Variants in HMCN1 observed in about 807,000 individuals in gnomAD.
HMCN1 encodes the protein hemicentin 1, also known as hemicentin-1.
In HMCN1, 321 loss-of-function variants were observed where a neutral mutation model predicts 625.9. The ratio of observed to expected loss-of-function variants is 0.51; its 90% CI spans 0.47 to 0.56. HMCN1 has a LOEUF of 0.56. Among genes scored for constraint, HMCN1 ranks in the 20% least tolerant of loss-of-function variants. The probability of loss-of-function intolerance (pLI) is 0.00; values close to 1 mark genes in which losing one functional copy is unlikely to be tolerated. For synonymous variants in HMCN1, 2,425 were observed against 2,417.6 expected (o/e 1.00, Z -0.09); for missense variants, 6,588 against 6,887.3 (o/e 0.96, Z 1.54).
rs1240242588 is a variant in HMCN1, at chr1:186,151,626, G to A, written c.14779G>A (p.Val4927Ile). ...TTTAGGTTCAGCAATGAGAAAGATA[G>A]TTTCTATTCTAAATCCCATTTATTG... The part of the protein sequence containing the change: ...RSLGSAMRKI[V>I]SILNPIYWTT... The change falls in exon 95 of 107, where the codon GTT (valine) becomes ATT (isoleucine). Residue 4927 changes from valine (V) to isoleucine (I), a missense_variant. Physicochemically the swap from Val to Ile is conservative, Grantham distance 29. Transcript: ENST00000271588. The A allele has an allele frequency of 6.2e-7, 1 of 1,612,660 alleles. No individual in the cohort carries two copies. Among genetic ancestry groups the A allele is most frequent in the South Asian group, 1.1e-5 (1 of 90,990 alleles).
At chr1:185,911,594 G>C in intron 5 of HMCN1, 80 bp from the exon 6 acceptor site, 1 of 1,044,646 alleles carries the variant, frequency 9.6e-7, no homozygotes, top group Non-Finnish European at 1.5e-6. Flanking sequence ...CATGCTCTTA[G>C]TTTTATGTAG....
At chr1:185,910,042 C>T (rs903548978) in intron 5 of HMCN1, among the ~76,000 whole-genome samples, 4 of 152,024 alleles carry the variant, frequency 2.6e-5, no homozygotes, top group African/African-American at 9.7e-5. Flanking sequence ...TTGTTTGGTA[C>T]CATTGCTAGT....
At chr1:185,752,136 C>T (rs549562347) in intron 1 of HMCN1, among the ~76,000 whole-genome samples, 78 of 152,000 alleles carry the variant, frequency 5.1e-4, no homozygotes, top group Non-Finnish European at 8.4e-4. Flanking sequence ...CTTTGGATTC[C>T]GGTGCTGTAC....
intron 97 of HMCN1, among the ~76,000 whole-genome samples, chr1:186,158,945 T>G (rs1192429981): frequency 7.9e-5 from 12 of 152,190 alleles, no homozygotes; most frequent in Admixed American, 7.9e-4. Context: ...ATATGAACTT[T>G]AGTTTTTTCC....
chr1:186,158,414 T>G (rs1157777205), intron 97 of HMCN1, among the ~76,000 whole-genome samples: 3 of 152,230 alleles, frequency 2.0e-5, no homozygotes, highest in Non-Finnish European at 2.9e-5. Flanking sequence ...TAGTTTCTTT[T>G]GCTGTGCAGA....
chr1:185,976,691 A>G (rs1006233004), intron 15 of HMCN1, among the ~76,000 whole-genome samples: 2 of 152,192 alleles, frequency 1.3e-5, no homozygotes, highest in East Asian at 3.8e-4. Flanking sequence ...TTCTTCATCT[A>G]TAAAATCAGA....
intron 89 of HMCN1, 50 bp from the exon 90 acceptor site, chr1:186,144,123 T>C: frequency 6.6e-7 from 1 of 1,526,246 alleles, no homozygotes. Flanking sequence ...ATTTTGGTTT[T>C]AAACAAACAC....
intron 1 of HMCN1, among the ~76,000 whole-genome samples, chr1:185,739,760 C>A (rs1001584770): frequency 6.6e-6 from 1 of 151,760 alleles, no homozygotes; most frequent in African/African-American, 2.4e-5. Flanking sequence ...AAAAAGAAAA[C>A]AATTAAAATA....
rs141371119 is a variant in HMCN1 at position 185,965,860 on chromosome 1, C to G, written c.2157C>G (p.Thr719=). The change falls in exon 14 of 107, where the codon ACC becomes ACG. Residue 719 remains threonine (T), a synonymous_variant. Transcript: ENST00000271588. ...SELLVALGDI[T]VMECKTSGIP... is the part of the protein sequence containing the mutation. ...TCTTGGTTGCCCTTGGGGATATAAC[C>G]GTTATGGAATGCAAAACCTCTGGTA... The G allele has an allele frequency of 2.5e-6, 4 of 1,612,180 alleles. No individual in the cohort carries two copies. In the East Asian group the frequency reaches 8.9e-5, roughly 36 times the overall value.
intron 40 of HMCN1, among the ~76,000 whole-genome samples, chr1:186,044,697 G>C (rs1656447006): frequency 6.6e-6 from 1 of 152,082 alleles, no homozygotes; most frequent in African/African-American, 2.4e-5. Flanking sequence ...GCCCTGCATA[G>C]TGATGGGGTT....
intron 10 of HMCN1, 139 bp downstream of exon 10, chr1:185,928,806 C>T (rs923002133): frequency 1.1e-6 from 1 of 947,720 alleles, no homozygotes; most frequent in Non-Finnish European, 1.7e-6. Flanking sequence ...GAATTGAGAA[C>T]TCAAATCCTG....
At position 186,114,136 on chromosome 1, in the gene HMCN1, G is replaced by A; in HGVS notation, c.11276+13G>A. 6.2e-7 allele frequency: 1 copy of A among 1,613,776 alleles called. No homozygotes were observed. The highest frequency in any genetic ancestry group is 8.5e-7 in the Non-Finnish European group (1 of 1,179,794). On this transcript the variant is annotated intron_variant, in intron 73 of 106. Transcript: ENST00000271588. ...GGAATCATGCAAGGTAACCATACTGGAAAATTAAAAAATGCTATAAGACCT... is the reference window on the plus strand; with the variant it reads ...GGAATCATGCAAGGTAACCATACTGAAAAATTAAAAAATGCTATAAGACCT...
intron 4 of HMCN1, among the ~76,000 whole-genome samples, chr1:185,880,562 T>G (rs925148140): frequency 6.6e-6 from 1 of 152,208 alleles, no homozygotes; most frequent in African/African-American, 2.4e-5. Flanking sequence ...TGTCCTTCTC[T>G]CTTCATATCA....
chr1:186,003,136 A>T (rs1653307870), intron 28 of HMCN1, among the ~76,000 whole-genome samples: 1 of 152,094 alleles, frequency 6.6e-6, no homozygotes, highest in Non-Finnish European at 1.5e-5. Flanking sequence ...TTTTCTGAGG[A>T]TGAAGACCAA....
intron 71 of HMCN1, among the ~76,000 whole-genome samples, chr1:186,110,977 C>CTTTTTTGTTTTTTTTTTTTTTTTTTTTTT (rs1660848555): frequency 1.6e-5 from 1 of 61,648 alleles, no homozygotes; most frequent in Non-Finnish European, 2.7e-5. Flanking sequence ...AGAGAAAATT[C>CTTTTTTGTTTTTTTTTTTTTTTTTTTTTT]TTTTTTTTTT....
chr1:185,918,839 T>G (rs1395802167), intron 6 of HMCN1, among the ~76,000 whole-genome samples: 1 of 152,164 alleles, frequency 6.6e-6, no homozygotes, highest in African/African-American at 2.4e-5. Context: ...CTAGAAAGTT[T>G]CCTGTTATTC....
At chr1:186,089,105 A>C (rs1340841794) in intron 63 of HMCN1, among the ~76,000 whole-genome samples, 1 of 152,040 alleles carries the variant, frequency 6.6e-6, no homozygotes, top group East Asian at 1.9e-4. Flanking sequence ...TTACTTGTAT[A>C]GATAAGATTT....
Position 186,119,213 on chromosome 1 carries a change from C to A in HMCN1, c.11871C>A (p.Thr3957=). Residue 3957 remains threonine (T), a synonymous_variant, in exon 78 of 107, where the codon ACC becomes ACA. Transcript: ENST00000271588. ...LSSGAIEILA[T]QLNHAGRYTC... ...TAGGAGCAATTGAAATACTTGCCAC[C>A]CAATTAAACCATGCTGGAAGATACA... is the stretch of plus-strand genomic sequence containing the variant. 6.2e-7 allele frequency: 1 copy of A among 1,613,460 alleles called. No homozygotes were observed.
intron 11 of HMCN1, among the ~76,000 whole-genome samples, chr1:185,952,909 T>C (rs1047421446): frequency 4.8e-4 from 71 of 149,342 alleles, no homozygotes; most frequent in African/African-American, 1.8e-3. Context: ...AGATAAGAGG[T>C]TGGGGTGCAG....
Sources: gnomAD v4.1 joint callset for allele counts (sites outside exome capture counted in the v4.1 genomes callset) on GRCh38, gnomAD v4.1.1 for gene constraint, MANE v1.5 for transcripts, NCBI Gene and HGNC (gene_info 2026-07-23, HGNC 2026-07-21) for gene names.